Variants in SOAT2 observed in about 807,000 individuals in gnomAD.
The protein encoded by SOAT2 is sterol O-acyltransferase 2, also known as ACAT-2.
Under a neutral mutation model 76.0 loss-of-function variants are expected in SOAT2, and 87 were observed. The observed-to-expected ratio is 1.14, with a 90% CI of 0.96 to 1.37. SOAT2 has a LOEUF of 1.37. Among genes scored for constraint, SOAT2 ranks in the 40% most tolerant of loss-of-function variants. The pLI, the probability that SOAT2 is intolerant of heterozygous loss-of-function variation, is 0.00. For synonymous variants in SOAT2, 285 were observed against 275.4 expected, an observed-to-expected ratio of 1.03 and a Z score of -0.34; for missense variants, 686 against 682.1, an observed-to-expected ratio of 1.01 and a Z score of -0.06.
rs56848843 is a variant in SOAT2 at position 53,121,793 on chromosome 12, C to CTTTTTTTT, written c.1236+416_1236+423dup. Among the ~76,000 whole-genome samples the CTTTTTTTT allele has an allele frequency of 7.0e-5, 4 of 56,862 alleles. 1 individual carries two copies. The highest frequency in any genetic ancestry group is 1.3e-4 in the Non-Finnish European group (4 of 31,746). The allele number at this position is 56,862 out of a possible 152,430, so 37.3% of individuals were successfully genotyped here. ...TAAGTCCCAATGGGATAGTAGCATG[C>CTTTTTTTT]TTTTTTTTTTTTTTTTTTTTTTTTT... is the stretch of plus-strand genomic sequence containing the variant. On this transcript the variant is annotated intron_variant, in intron 12 of 14. Coordinates refer to ENST00000301466, the MANE Select transcript of SOAT2 (RefSeq NM_003578.4).
intron 10 of SOAT2, among the ~76,000 whole-genome samples, chr12:53,120,341 C>T (rs1043216688): frequency 2.0e-5 from 3 of 151,962 alleles, no homozygotes; most frequent in East Asian, 1.9e-4. Flanking sequence ...TGGTGGCGGG[C>T]GTCTGTAGTC....
intron 5 of SOAT2, among the ~76,000 whole-genome samples, chr12:53,106,276 ATG>A (rs34794952): frequency 3.9e-5 from 6 of 152,004 alleles, no homozygotes; most frequent in Admixed American, 1.3e-4. Flanking sequence ...CCTGAGGCAG[ATG>A]TGTGTGTGTG....
At position 53,117,270 on chromosome 12, in the gene SOAT2, T is replaced by C. The variant is rs1042486834; in HGVS notation, c.779-1080T>C. Among the ~76,000 whole-genome samples, 4 of 147,400 alleles carry C rather than the reference T, an allele frequency of 2.7e-5. No individual in the cohort carries two copies. In the East Asian group the frequency reaches 8.0e-4, roughly 30 times the overall value. ...GCCACCGCGCCCGGCCAATTTTTTT[T>C]TTTTTTTTTTTTTTTTTAGAGACAG... On this transcript the variant is annotated intron_variant, in intron 7 of 14. Coordinates refer to ENST00000301466, the MANE Select transcript of SOAT2 (RefSeq NM_003578.4).
chr12:53,123,310 C>T (rs899701574), intron 13 of SOAT2, 94 bp downstream of exon 13: 31 of 1,499,606 alleles, frequency 2.1e-5, no homozygotes, highest in Non-Finnish European at 2.7e-5. Context: ...GGAGGCCTCG[C>T]CCCCAGGCCT....
At chr12:53,114,559 GA>G (rs923628051) in intron 5 of SOAT2, among the ~76,000 whole-genome samples, 210 of 143,620 alleles carry the variant, frequency 1.5e-3, no homozygotes, top group Admixed American at 2.2e-3. Flanking sequence ...TGTCTCTACT[GA>G]AAAAAAAAAA....
Position 53,105,897 on chromosome 12 carries a change from G to T in SOAT2, c.336-10G>T. 4 of 1,427,218 alleles carry T rather than the reference G, an allele frequency of 2.8e-6. No homozygotes were observed. The highest frequency in any genetic ancestry group is 2.6e-5 in the African/African-American group (1 of 38,214). 88.4% of individuals were successfully genotyped at this position (1,427,218 alleles called of 1,614,324 possible). ...CTCCCACACTGACTTTCGGGCCCCT[G>T]TCCCTCTAGTGAGCTGATGGAGGTG... On this transcript the variant is annotated splice_polypyrimidine_tract_variant and intron_variant, in intron 4 of 14. Transcript: ENST00000301466.
rs776434088 is a variant in SOAT2 at position 53,104,171 on chromosome 12, G to A, written c.103G>A (p.Ala35Thr). The change falls in exon 2 of 15, where the codon GCC (alanine) becomes ACC (threonine). Residue 35 changes from alanine to threonine, a missense_variant. Ala to Thr is a moderately conservative substitution (Grantham distance 58). Coordinates refer to ENST00000301466, the MANE Select transcript of SOAT2 (RefSeq NM_003578.4). ...CGDGNTETHR[A>T]PDLVQWTRHM... ...CACAGGAAACACTGAGACGCACAGA[G>A]CCCCGGACTTGGTACAATGGACCCG... is the stretch of plus-strand genomic sequence containing the variant. The A allele has an allele frequency of 4.3e-6, 7 of 1,613,444 alleles. No homozygotes were observed. The highest frequency in any genetic ancestry group is 5.9e-6 in the Non-Finnish European group (7 of 1,179,552).
intron 8 of SOAT2, 99 bp downstream of exon 8, chr12:53,118,533 G>A: frequency 1.2e-6 from 1 of 825,660 alleles, no homozygotes; most frequent in East Asian, 2.4e-5. Flanking sequence ...CTCAGGCACT[G>A]GCCACTTTCT....
intron 5 of SOAT2, among the ~76,000 whole-genome samples, 194 bp downstream of exon 5, chr12:53,106,208 C>T (rs1013699235): frequency 6.6e-6 from 1 of 152,258 alleles, no homozygotes; most frequent in Non-Finnish European, 1.5e-5. Flanking sequence ...CCTTGGTTGG[C>T]CCTTTGTCTG....
intron 10 of SOAT2, 65 bp downstream of exon 10, chr12:53,119,318 G>A (rs184320676): frequency 8.4e-6 from 13 of 1,550,666 alleles, no homozygotes; most frequent in Non-Finnish European, 7.9e-6. Flanking sequence ...GGAAGGCCTT[G>A]CTAGTTACCT....
intron 7 of SOAT2, 90 bp downstream of exon 7, chr12:53,116,256 G>A: frequency 8.3e-7 from 1 of 1,207,866 alleles, no homozygotes; most frequent in Non-Finnish European, 1.2e-6. Context: ...AAAAGTCCCT[G>A]CCTTCCTAAG....
rs755021588 is a variant in SOAT2, at chr12:53,115,567, C to A, written c.621C>A (p.His207Gln). Reference sequence around the variant, plus strand: ...TGGGCTGTGCGCTGCTAGCCGCCCACGCCGTGGTGCTCTGCGCGCTGCCGG... The same window carrying A: ...TGGGCTGTGCGCTGCTAGCCGCCCAAGCCGTGGTGCTCTGCGCGCTGCCGG... The part of the protein sequence containing the change: ...TGLGCALLAA[H>Q]AVVLCALPVH... The change falls in exon 6 of 15, where the codon CAC (histidine) becomes CAA (glutamine). Residue 207 changes from histidine (H) to glutamine (Q), a missense_variant. His to Gln is a conservative substitution (Grantham distance 24, BLOSUM62 0). Coordinates refer to ENST00000301466, the MANE Select transcript of SOAT2 (RefSeq NM_003578.4). 3 of 1,589,428 alleles carry A rather than the reference C, an allele frequency of 1.9e-6. No homozygotes were observed. Among genetic ancestry groups the A allele is most frequent in the Admixed American group, 3.4e-5 (2 of 58,852 alleles).
In SOAT2 at chr12:53,118,389, A is replaced by G; in HGVS notation, c.818A>G (p.Tyr273Cys). 6.2e-7 allele frequency: 1 copy of G among 1,612,954 alleles called. No individual in the cohort carries two copies. The highest frequency in any genetic ancestry group is 8.5e-7 in the Non-Finnish European group (1 of 1,179,648). The change falls in exon 8 of 15, where the codon TAC becomes TGC. Residue 273 changes from tyrosine to cysteine, a missense_variant. By Grantham distance (194) the Tyr-to-Cys change is radical. Transcript: ENST00000301466. ...IQAPSFSSYL[Y>C]FLFCPTLIYR... is the part of the protein sequence containing the mutation. ...GCCCCCAGTTTCTCCAGCTACCTCT[A>G]CTTCCTCTTCTGCCCAACACTCATC... is the stretch of plus-strand genomic sequence containing the variant.
chr12:53,115,364 C>T, intron 5 of SOAT2, 26 bp from the exon 6 acceptor site: 3 of 1,565,292 alleles, frequency 1.9e-6, no homozygotes, highest in Non-Finnish European at 2.6e-6. Context: ...CACTTGTCTA[C>T]TTTGTCTCTC....
intron 5 of SOAT2, among the ~76,000 whole-genome samples, chr12:53,108,085 A>G (rs185066353): frequency 6.6e-6 from 1 of 152,330 alleles, no homozygotes; most frequent in Admixed American, 6.5e-5. Context: ...GCTTTGATGG[A>G]ACTTCGTTCC....
At chr12:53,106,557 C>T (rs141308310) in intron 5 of SOAT2, among the ~76,000 whole-genome samples, 23 of 152,332 alleles carry the variant, frequency 1.5e-4, no homozygotes, top group African/African-American at 5.3e-4. Context: ...ATTTTCATAC[C>T]TCCCACTATT....
chr12:53,124,252 A>G lies in SOAT2; in HGVS notation c.*129A>G. 1.2e-6 allele frequency: 1 copy of G among 853,596 alleles called. No individual in the cohort carries two copies. The highest frequency in any genetic ancestry group is 2.0e-6 in the Non-Finnish European group (1 of 511,714). 52.9% of individuals were successfully genotyped at this position (853,596 alleles called of 1,614,324 possible). A position where few individuals can be genotyped will look rare whatever the true frequency, so the allele number is the denominator to read the frequency against. On this transcript the variant is annotated 3_prime_UTR_variant, in exon 15 of 15. Transcript: ENST00000301466. The stretch of plus-strand genomic sequence containing the variant: ...CGAGGCAACCTGCACACAAGACCCC[A>G]CCAAGGAATGTGCAAGGACTGAGAT...
At chr12:53,112,470 C>A (rs1383954687) in intron 5 of SOAT2, among the ~76,000 whole-genome samples, 2 of 144,210 alleles carry the variant, frequency 1.4e-5, no homozygotes, top group Non-Finnish European at 3.0e-5. Context: ...TGCTTGAACC[C>A]GGGAGGCGGA....
At chr12:53,112,765 CT>C (rs1332363053) in intron 5 of SOAT2, among the ~76,000 whole-genome samples, 3 of 143,438 alleles carry the variant, frequency 2.1e-5, no homozygotes, top group Non-Finnish European at 3.1e-5. Flanking sequence ...CTCCCATTTT[CT>C]TTTTTTTCTT....
Sources: gnomAD v4.1 joint callset for allele counts (sites outside exome capture counted in the v4.1 genomes callset) on GRCh38, gnomAD v4.1.1 for gene constraint, MANE v1.5 for transcripts, NCBI Gene and HGNC (gene_info 2026-07-23, HGNC 2026-07-21) for gene names.